CRACR2A: variants seen among roughly 807,000 people sequenced by gnomAD.
The protein encoded by CRACR2A is calcium release activated channel regulator 2A.
CRACR2A carries 79 observed loss-of-function variants against 90.5 expected under a neutral mutation model. That is an observed-to-expected ratio of 0.87 (90% CI 0.73 to 1.05). The LOEUF is 1.05. Among genes scored for constraint, CRACR2A ranks in the 50% least tolerant of loss-of-function variants. The probability of loss-of-function intolerance (pLI) is 0.00; values close to 1 mark genes in which losing one functional copy is unlikely to be tolerated. For synonymous variants in CRACR2A, 338 were observed against 356.7 expected (o/e 0.95, Z 0.59); for missense variants, 823 against 897.2 (o/e 0.92, Z 1.06).
intron 2 of CRACR2A, among the ~76,000 whole-genome samples, chr12:3,725,169 A>G (rs1946241045): frequency 6.6e-6 from 1 of 152,114 alleles, no homozygotes; most frequent in Non-Finnish European, 1.5e-5. Flanking sequence ...CCATCTCACC[A>G]AATCTCCTCC....
At chr12:3,616,845 G>T in intron 19 of CRACR2A, 109 bp downstream of exon 19, 1 of 839,210 alleles carries the variant, frequency 1.2e-6, no homozygotes, top group Non-Finnish European at 2.0e-6. Flanking sequence ...CCAATAGGGA[G>T]GAAGGGGGGT....
chr12:3,661,329 G>T (rs1399096284), intron 7 of CRACR2A, among the ~76,000 whole-genome samples: 1 of 152,194 alleles, frequency 6.6e-6, no homozygotes, highest in East Asian at 1.9e-4. Flanking sequence ...ACAGAGCACA[G>T]CCTTGGAGTT....
intron 17 of CRACR2A, among the ~76,000 whole-genome samples, chr12:3,627,224 G>A (rs1251563344): frequency 6.6e-6 from 1 of 152,208 alleles, no homozygotes; most frequent in Non-Finnish European, 1.5e-5. Context: ...CAGGGACTGT[G>A]TCTGTCTTGT....
intron 2 of CRACR2A, among the ~76,000 whole-genome samples, chr12:3,723,452 G>T (rs1453548022): frequency 6.6e-6 from 1 of 152,094 alleles, no homozygotes; most frequent in Non-Finnish European, 1.5e-5. Context: ...AGTGGTGGGG[G>T]GTTTGGAAAC....
chr12:3,669,551 G>A (rs1296642920), intron 7 of CRACR2A, among the ~76,000 whole-genome samples: 2 of 152,220 alleles, frequency 1.3e-5, no homozygotes, highest in African/African-American at 4.8e-5. Context: ...GGACAAGGGT[G>A]TGGGAGACTG....
intron 18 of CRACR2A, 40 bp from the exon 19 acceptor site, chr12:3,617,070 T>C: frequency 6.8e-7 from 1 of 1,478,068 alleles, no homozygotes; most frequent in Non-Finnish European, 9.3e-7. Context: ...AGTATTGGAG[T>C]GAGAGGGGAT....
chr12:3,678,542 A>G (rs1945379315), intron 6 of CRACR2A, among the ~76,000 whole-genome samples: 1 of 152,082 alleles, frequency 6.6e-6, no homozygotes, highest in Admixed American at 6.6e-5. Flanking sequence ...CCTTAGGGAG[A>G]ACTCCATGAA....
intron 15 of CRACR2A, among the ~76,000 whole-genome samples, chr12:3,630,048 C>T (rs1013224581): frequency 2.6e-5 from 4 of 152,088 alleles, no homozygotes; most frequent in Admixed American, 6.5e-5. Flanking sequence ...TGACCAGCAA[C>T]GTGACCTTGA....
At chr12:3,662,815 G>A (rs1025472975) in intron 7 of CRACR2A, among the ~76,000 whole-genome samples, 6 of 152,212 alleles carry the variant, frequency 3.9e-5, no homozygotes, top group Non-Finnish European at 7.3e-5. Context: ...ACACTAAAAA[G>A]ATGTGCACAT....
chr12:3,742,668 T>C (rs1436119091), intron 1 of CRACR2A, among the ~76,000 whole-genome samples: 2 of 152,240 alleles, frequency 1.3e-5, no homozygotes, highest in Non-Finnish European at 2.9e-5. Context: ...ACTGGTTTAA[T>C]TTCCATAAGA....
At chr12:3,629,691 A>C (rs1475085271) in intron 15 of CRACR2A, among the ~76,000 whole-genome samples, 1 of 152,146 alleles carries the variant, frequency 6.6e-6, no homozygotes, top group Admixed American at 6.5e-5. Flanking sequence ...GATGGGCAAA[A>C]GAGTGTGCTG....
At position 3,627,645 on chromosome 12, in the gene CRACR2A, C is replaced by A; in HGVS notation, c.1797G>T (p.Trp599Cys). The change falls in exon 16 of 20, where the codon TGG (tryptophan) becomes TGT (cysteine). Residue 599 changes from tryptophan to cysteine, a missense_variant. By Grantham distance (215) the Trp-to-Cys change is radical. Transcript: ENST00000440314. ...CTCACCTCTCCTGCCCAGCCGTGTCCCACAGCTGCAGGGCCACCTGAGAGT... is the reference window on the plus strand; with the variant it reads ...CTCACCTCTCCTGCCCAGCCGTGTCACACAGCTGCAGGGCCACCTGAGAGT... The part of the protein sequence containing the change: ...VDNSQVALQL[W>C]DTAGQERYRC... 6.4e-7 allele frequency: 1 copy of A among 1,551,808 alleles called. No homozygotes were observed. Among genetic ancestry groups the A allele is most frequent in the Non-Finnish European group, 8.7e-7 (1 of 1,147,020 alleles).
intron 3 of CRACR2A, among the ~76,000 whole-genome samples, chr12:3,697,748 G>A (rs1022736628): frequency 4.1e-4 from 62 of 152,158 alleles, no homozygotes; most frequent in African/African-American, 1.4e-3. Context: ...GTTTATTTAC[G>A]TAGGAGAAAA....
chr12:3,709,667 C>T (rs2137761615), intron 3 of CRACR2A, among the ~76,000 whole-genome samples: 1 of 152,326 alleles, frequency 6.6e-6, no homozygotes, highest in East Asian at 1.9e-4. Flanking sequence ...ATTCCAGTTA[C>T]TCAGGAGGCT....
chr12:3,632,722 A>T (rs570513513), intron 15 of CRACR2A, among the ~76,000 whole-genome samples: 13 of 152,358 alleles, frequency 8.5e-5, no homozygotes, highest in African/African-American at 3.1e-4. Context: ...TGTGCTGAAC[A>T]GTACCTGTCC....
intron 6 of CRACR2A, among the ~76,000 whole-genome samples, chr12:3,675,637 A>T (rs1945322769): frequency 6.6e-6 from 1 of 152,150 alleles, no homozygotes; most frequent in South Asian, 2.1e-4. Flanking sequence ...TTACGCCATT[A>T]TTTGTTTTAC....
intron 9 of CRACR2A, among the ~76,000 whole-genome samples, chr12:3,654,912 A>G (rs1481780255): frequency 1.3e-5 from 2 of 152,222 alleles, no homozygotes; most frequent in Non-Finnish European, 2.9e-5. Context: ...TTTTAAGGGT[A>G]GCCAGAAGCC....
intron 1 of CRACR2A, among the ~76,000 whole-genome samples, chr12:3,751,429 C>G (rs1946700616): frequency 1.3e-5 from 2 of 152,188 alleles, no homozygotes; most frequent in South Asian, 4.1e-4. Flanking sequence ...CTGAACCCAG[C>G]TCCAGGAACA....
intron 7 of CRACR2A, among the ~76,000 whole-genome samples, chr12:3,665,098 T>C (rs1001477452): frequency 6.6e-6 from 1 of 152,198 alleles, no homozygotes; most frequent in Non-Finnish European, 1.5e-5. Flanking sequence ...CCTAATCATT[T>C]TGAGTTATGT....
Sources: gnomAD v4.1 joint callset for allele counts (sites outside exome capture counted in the v4.1 genomes callset) on GRCh38, gnomAD v4.1.1 for gene constraint, MANE v1.5 for transcripts, NCBI Gene and HGNC (gene_info 2026-07-23, HGNC 2026-07-21) for gene names.